The following FBLN7 variants were observed in gnomAD, a reference collection of about 807,000 sequenced individuals.
FBLN7 encodes fibulin 7, also known as fibulin-7.
In FBLN7, 31 loss-of-function variants were observed where a neutral mutation model predicts 44.0. The ratio of observed to expected loss-of-function variants is 0.70; its 90% CI spans 0.53 to 0.95. The LOEUF is 0.95. FBLN7 is among the 40% of genes least tolerant of loss of function. FBLN7 has a pLI of 0.00. For synonymous variants in FBLN7, 262 were observed against 253.4 expected (o/e 1.03, Z -0.32); for missense variants, 573 against 618.5 (o/e 0.93, Z 0.78).
the FBLN7 span, chr2:112,212,935 G>C: frequency 1.4e-5 from 2 of 141,422 alleles, no homozygotes; most frequent in African/African-American, 5.2e-5. Context: ...CTAGTATTTT[G>C]AGTTCAGCAA....
chr2:112,142,257 C>A (rs746841515), intron 1 of FBLN7, among the ~76,000 whole-genome samples: 45 of 152,176 alleles, frequency 3.0e-4, no homozygotes, highest in Non-Finnish European at 1.2e-4. Flanking sequence ...TCTGCAGAGG[C>A]CTTCCAGAAC....
intron 3 of FBLN7, among the ~76,000 whole-genome samples, chr2:112,175,084 G>T (rs1035265540): frequency 2.0e-5 from 3 of 152,156 alleles, no homozygotes; most frequent in African/African-American, 7.2e-5. Flanking sequence ...CAGAAGTGTC[G>T]TGTAGATGAG....
chr2:112,197,701 C>A, the FBLN7 span, among the ~76,000 whole-genome samples: 7 of 152,216 alleles, frequency 4.6e-5, no homozygotes, highest in Non-Finnish European at 8.8e-5. Context: ...CACATCCTAG[C>A]TCAGCCATCC....
intron 1 of FBLN7, 31 bp from the exon 2 acceptor site, chr2:112,159,645 G>C (rs771928635): frequency 6.7e-7 from 1 of 1,483,660 alleles, no homozygotes; most frequent in South Asian, 1.3e-5. Context: ...CAGTCTCAAT[G>C]GGTGGTGGCG....
At chr2:112,162,386 T>C (rs1051452808) in intron 2 of FBLN7, among the ~76,000 whole-genome samples, 3 of 152,016 alleles carry the variant, frequency 2.0e-5, no homozygotes, top group Admixed American at 6.6e-5. Flanking sequence ...TGGAGAATTC[T>C]TGGTCTTCCT....
chr2:112,165,196 C>G (rs753507215), intron 3 of FBLN7, 25 bp downstream of exon 3: 1 of 1,606,120 alleles, frequency 6.2e-7, no homozygotes, highest in South Asian at 1.1e-5. Context: ...TCCCATCCCA[C>G]TGCGCTGGAC....
At chr2:112,209,401 C>G in the FBLN7 span, among the ~76,000 whole-genome samples, 1 of 152,192 alleles carries the variant, frequency 6.6e-6, no homozygotes. Flanking sequence ...CTGGGAAAAA[C>G]TCAACCATTT....
Position 112,187,939 on chromosome 2 carries a change from T to G in FBLN7, c.*433T>G. ...ACGGTTCTAGTCGTGCGGGGGGCCCTAGTCATGCCTCTGCGCATGTGGCAT... is the reference window on the plus strand; with the variant it reads ...ACGGTTCTAGTCGTGCGGGGGGCCCGAGTCATGCCTCTGCGCATGTGGCAT... On this transcript the variant is annotated 3_prime_UTR_variant, in exon 8 of 8. Transcript: ENST00000331203. The surrounding 1 kb of genome is among the most constrained non-coding windows in gnomAD (Gnocchi z 5.1). 1 of 214,700 alleles carries G rather than the reference T, an allele frequency of 4.7e-6. No homozygotes were observed. The highest frequency in any genetic ancestry group is 9.2e-6 in the Non-Finnish European group (1 of 108,194). The allele number at this position is 214,700 out of a possible 1,614,324, so 13.3% of individuals were successfully genotyped here.
the FBLN7 span, among the ~76,000 whole-genome samples, chr2:112,194,223 T>A: frequency 6.6e-6 from 1 of 152,204 alleles, no homozygotes; most frequent in Non-Finnish European, 1.5e-5. Context: ...TAGAACAGTG[T>A]GTGTAGGACA....
chr2:112,140,688 G>A (rs1045175150), intron 1 of FBLN7, among the ~76,000 whole-genome samples: 5 of 152,154 alleles, frequency 3.3e-5, no homozygotes, highest in African/African-American at 1.2e-4. Context: ...CTTAGAGAAC[G>A]TCCCCGCCCT....
chr2:112,233,487 G>A, the FBLN7 span: 2 of 686,392 alleles, frequency 2.9e-6, no homozygotes, highest in African/African-American at 1.9e-5. Context: ...CAAAGTCTTA[G>A]AGGTAGCACA....
chr2:112,187,114 A>G lies in FBLN7; in HGVS notation c.948-20A>G. 1 of 1,610,460 alleles carries G rather than the reference A, an allele frequency of 6.2e-7. No individual in the cohort carries two copies. The highest frequency in any genetic ancestry group is 8.5e-7 in the Non-Finnish European group (1 of 1,177,722). On this transcript the variant is annotated intron_variant, in intron 7 of 7. Transcript: ENST00000331203. The surrounding 1 kb of genome is among the most constrained non-coding windows in gnomAD (Gnocchi z 5.1). Reference sequence around the variant, plus strand: ...AGACTCCCCAAGGCTGACTGCCTCCATTTTGCCTCTCCGCTCCAGCCAGTG... The same window carrying G: ...AGACTCCCCAAGGCTGACTGCCTCCGTTTTGCCTCTCCGCTCCAGCCAGTG...
rs1048641159 is a variant in FBLN7 at position 112,159,814 on chromosome 2, G to T, written c.214G>T (p.Val72Leu). Residue 72 changes from valine (V) to leucine (L), a missense_variant, in exon 2 of 8, where the codon GTG becomes TTG. Val to Leu is a conservative substitution (Grantham distance 32). Coordinates refer to ENST00000331203, the MANE Select transcript of FBLN7 (RefSeq NM_153214.3). ...LAALQNSVGR[V>L]GPDALPVSCP... ...CGCGCTGCAGAACTCTGTGGGCAGG[G>T]TGGGCCCAGATGCCCTTCCAGGTGG... The T allele has an allele frequency of 1.3e-6, 2 of 1,568,440 alleles. No individual in the cohort carries two copies. Among genetic ancestry groups the T allele is most frequent in the African/African-American group, 1.4e-5 (1 of 73,244 alleles).
At chr2:112,218,974 C>T in the FBLN7 span, among the ~76,000 whole-genome samples, 1 of 152,260 alleles carries the variant, frequency 6.6e-6, no homozygotes, top group African/African-American at 2.4e-5. Flanking sequence ...AATGGAAAGA[C>T]ATCTCATGTT....
the FBLN7 span, among the ~76,000 whole-genome samples, chr2:112,194,164 A>G: frequency 6.6e-6 from 1 of 152,122 alleles, no homozygotes; most frequent in Admixed American, 6.6e-5. Flanking sequence ...AAAGACTAGG[A>G]CCGATAACTG....
chr2:112,146,665 C>T (rs1052901744), intron 1 of FBLN7, among the ~76,000 whole-genome samples: 1 of 151,154 alleles, frequency 6.6e-6, no homozygotes, highest in African/African-American at 2.4e-5. Flanking sequence ...TCTTGTGACC[C>T]TGTGGAACTC....
At chr2:112,170,543 AAAAAAG>A (rs1479679495) in intron 3 of FBLN7, among the ~76,000 whole-genome samples, 1 of 151,666 alleles carries the variant, frequency 6.6e-6, no homozygotes, top group African/African-American at 2.4e-5. Context: ...GAAAAAAAAA[AAAAAAG>A]AAAAGAAAAG....
downstream of FBLN7, among the ~76,000 whole-genome samples, chr2:112,190,918 A>T (rs544875088): frequency 6.6e-6 from 1 of 152,208 alleles, no homozygotes; most frequent in Non-Finnish European, 1.5e-5. Flanking sequence ...AAAACACTAC[A>T]TGAGTTCATG....
chr2:112,180,951 G>GA (rs1031387560), intron 4 of FBLN7, among the ~76,000 whole-genome samples: 6 of 132,764 alleles, frequency 4.5e-5, no homozygotes, highest in Admixed American at 3.0e-4. Context: ...AAAAACGAAA[G>GA]AAAAAAAAGA....
Sources: allele counts gnomAD v4.1 joint callset (sites outside exome capture counted in the v4.1 genomes callset), GRCh38; gene constraint gnomAD v4.1.1; non-coding constraint Gnocchi (gnomAD v3.1); transcripts MANE v1.5; gene names NCBI Gene and HGNC (gene_info 2026-07-23, HGNC 2026-07-21).